PCDH11Y: variants seen among roughly 807,000 people sequenced by gnomAD.
The protein encoded by PCDH11Y is protocadherin 11 Y-linked.
For synonymous variants in PCDH11Y, 9 were observed against 83.6 expected (o/e 0.11, Z 4.87); for missense variants, 12 against 224.8 (o/e 0.05, Z 6.05).
chrY:5,398,302 A>T (rs2124676720), intron 2 of PCDH11Y, among the ~76,000 whole-genome samples: 1 of 29,535 alleles, frequency 3.4e-5, no homozygotes, highest in South Asian at 7.9e-4. Context: ...ACTGATTGTT[A>T]TAGCTAATTT....
At chrY:5,347,280 G>A in intron 2 of PCDH11Y, among the ~76,000 whole-genome samples, 1 of 31,557 alleles carries the variant, frequency 3.2e-5, no homozygotes, top group Non-Finnish European at 7.6e-5. Context: ...GTGAAACCTT[G>A]TCTCTACTAA....
chrY:5,073,430 A>T, intron 1 of PCDH11Y, among the ~76,000 whole-genome samples: 5 of 27,933 alleles, frequency 1.8e-4, no homozygotes, highest in Non-Finnish European at 3.8e-4. Flanking sequence ...AAAATTAGGA[A>T]TTCATTTTTT....
At chrY:5,690,797 C>A (rs2124710744) in intron 4 of PCDH11Y, among the ~76,000 whole-genome samples, 1 of 28,689 alleles carries the variant, frequency 3.5e-5, no homozygotes, top group South Asian at 8.4e-4. Context: ...TACTTGAAGT[C>A]CCAGATACAA....
intron 4 of PCDH11Y, among the ~76,000 whole-genome samples, chrY:5,650,462 A>G (rs2124706069): frequency 1.2e-4 from 4 of 33,394 alleles, no homozygotes; most frequent in African/African-American, 4.6e-4. Flanking sequence ...TAAGGAATAC[A>G]TAGGTACCAT....
At chrY:5,564,069 A>G (rs2124695564) in intron 3 of PCDH11Y, among the ~76,000 whole-genome samples, 1 of 29,885 alleles carries the variant, frequency 3.3e-5, no homozygotes, top group South Asian at 7.7e-4. Flanking sequence ...TGAGTATGGA[A>G]TGCTTCTAGA....
At chrY:5,291,356 A>T in intron 2 of PCDH11Y, among the ~76,000 whole-genome samples, 1 of 33,812 alleles carries the variant, frequency 3.0e-5, no homozygotes, top group Non-Finnish European at 7.3e-5. Context: ...CAACAGTAAG[A>T]TCGTTATCAA....
intron 1 of PCDH11Y, among the ~76,000 whole-genome samples, chrY:5,096,804 T>C: frequency 4.8e-5 from 1 of 20,786 alleles, no homozygotes; most frequent in African/African-American, 1.9e-4. Flanking sequence ...CTGGGGTTCA[T>C]GCCATTCTCC....
chrY:5,734,604 G>C, intron 4 of PCDH11Y, among the ~76,000 whole-genome samples: 1 of 32,310 alleles, frequency 3.1e-5, no homozygotes, highest in Non-Finnish European at 7.6e-5. Context: ...TCCAGAGCAG[G>C]TGTTCCAATC....
intron 2 of PCDH11Y, among the ~76,000 whole-genome samples, chrY:5,425,376 A>T (rs2053262325): frequency 3.0e-5 from 1 of 33,310 alleles, no homozygotes; most frequent in African/African-American, 1.2e-4. Context: ...ACGGATGGAG[A>T]ATAACTTTAA....
At chrY:5,433,647 C>CT (rs2053270918) in intron 2 of PCDH11Y, among the ~76,000 whole-genome samples, 2 of 32,877 alleles carry the variant, frequency 6.1e-5, no homozygotes, top group Non-Finnish European at 1.5e-4. Context: ...TTCATTGCTT[C>CT]TTTTTTTGCT....
intron 1 of PCDH11Y, among the ~76,000 whole-genome samples, chrY:5,070,885 C>T: frequency 3.2e-5 from 1 of 30,821 alleles, no homozygotes; most frequent in African/African-American, 1.3e-4. Flanking sequence ...GGCCCAATAT[C>T]TGTTGTTCCC....
chrY:5,496,647 T>G, intron 2 of PCDH11Y, among the ~76,000 whole-genome samples: 3 of 28,292 alleles, frequency 1.1e-4, no homozygotes, highest in Non-Finnish European at 2.6e-4. Context: ...AATGTTGTGG[T>G]TTTTTTTTTT....
intron 2 of PCDH11Y, among the ~76,000 whole-genome samples, chrY:5,201,987 T>A (rs2052927350): frequency 5.3e-4 from 18 of 33,900 alleles, no homozygotes; most frequent in Non-Finnish European, 1.0e-3. Context: ...CATTGACTTA[T>A]AACTGTATCT....
chrY:5,130,936 G>A (rs1383317136), intron 2 of PCDH11Y, among the ~76,000 whole-genome samples: 14 of 30,104 alleles, frequency 4.7e-4, no homozygotes, highest in Non-Finnish European at 8.7e-4. Flanking sequence ...GAAGAAAAAG[G>A]AATTCTTATA....
intron 2 of PCDH11Y, among the ~76,000 whole-genome samples, chrY:5,331,641 A>G (rs2053131555): frequency 6.0e-5 from 2 of 33,490 alleles, no homozygotes; most frequent in East Asian, 1.6e-3. Flanking sequence ...TCTGGAAGCC[A>G]CCCTTCAATC....
intron 2 of PCDH11Y, among the ~76,000 whole-genome samples, chrY:5,409,963 C>T (rs1602921405): frequency 2.9e-5 from 1 of 33,971 alleles, no homozygotes; most frequent in African/African-American, 1.2e-4. Flanking sequence ...TCATTAGGTT[C>T]AGAAAGTTTT....
intron 2 of PCDH11Y, among the ~76,000 whole-genome samples, chrY:5,280,494 T>A: frequency 6.1e-5 from 2 of 32,639 alleles, no homozygotes; most frequent in African/African-American, 1.2e-4. Flanking sequence ...ATGGTATATA[T>A]GTACCACATT....
intron 2 of PCDH11Y, among the ~76,000 whole-genome samples, chrY:5,343,203 G>T (rs2053147313): frequency 3.2e-5 from 1 of 31,126 alleles, no homozygotes; most frequent in Non-Finnish European, 7.8e-5. Flanking sequence ...AAAATTTATT[G>T]CATTTTAATG....
At chrY:5,521,401 GACC>G (rs2053380907) in intron 3 of PCDH11Y, among the ~76,000 whole-genome samples, 1 of 32,247 alleles carries the variant, frequency 3.1e-5, no homozygotes, top group African/African-American at 1.2e-4. Context: ...TCGAACTCCT[GACC>G]TTGTGATCCA....
Sources: allele counts gnomAD v4.1 joint callset (sites outside exome capture counted in the v4.1 genomes callset), GRCh38; gene constraint gnomAD v4.1.1; transcripts MANE v1.5; gene names NCBI Gene and HGNC (gene_info 2026-07-23, HGNC 2026-07-21).